The following C12orf54 variants were observed in gnomAD, a reference collection of about 807,000 sequenced individuals.
The protein encoded by C12orf54 is chromosome 12 open reading frame 54.
In C12orf54, 24 loss-of-function variants were observed where a neutral mutation model predicts 26.4. The observed-to-expected ratio is 0.91, with a 90% CI of 0.66 to 1.28. The LOEUF is 1.28. Ranked by LOEUF, C12orf54 falls within the 50% of genes most tolerant of loss-of-function variation. The pLI is 0.00. For synonymous variants in C12orf54, 54 were observed against 47.0 expected, an observed-to-expected ratio of 1.15 and a Z score of -0.61; for missense variants, 154 against 150.9, an observed-to-expected ratio of 1.02 and a Z score of -0.11.
At chr12:48,419,185 A>AGG in the C12orf54 span, among the ~76,000 whole-genome samples, 2 of 152,176 alleles carry the variant, frequency 1.3e-5, no homozygotes, top group East Asian at 3.9e-4. Context: ...ATTACCCTAA[A>AGG]GAAATGCAGG....
the C12orf54 span, among the ~76,000 whole-genome samples, chr12:48,468,055 T>C: frequency 2.0e-5 from 3 of 152,186 alleles, no homozygotes; most frequent in Admixed American, 1.3e-4. Context: ...TCAAATATAG[T>C]TCTTGGTAGT....
the C12orf54 span, among the ~76,000 whole-genome samples, chr12:48,476,312 C>A: frequency 1.3e-5 from 2 of 152,136 alleles, no homozygotes. Flanking sequence ...TAAAGACCAT[C>A]CAGGCTAGGA....
At chr12:48,461,155 AG>A in the C12orf54 span, among the ~76,000 whole-genome samples, 2 of 152,050 alleles carry the variant, frequency 1.3e-5, no homozygotes, top group Non-Finnish European at 2.9e-5. Flanking sequence ...TCAGGAGCAA[AG>A]AAAATTACCA....
rs1350663382 is a variant in C12orf54, at chr12:48,494,101, C to T, written c.243-697C>T. ...GGGCGTGGTGGCAGGTGCCTGTAAC[C>T]CCAGCTACTCGGGAGGCTGAGGCAG... On this transcript the variant is annotated intron_variant, in intron 7 of 8. Transcript: ENST00000548364. Among the ~76,000 whole-genome samples the T allele has an allele frequency of 1.5e-5, 2 of 135,268 alleles. 1 individual carries two copies. Among genetic ancestry groups the T allele is most frequent in the Non-Finnish European group, 3.2e-5 (2 of 63,386 alleles). 88.7% of individuals were successfully genotyped at this position (135,268 alleles called of 152,430 possible). A position where few individuals can be genotyped will look rare whatever the true frequency, so the allele number is the denominator to read the frequency against.
At chr12:48,424,100 A>G in the C12orf54 span, among the ~76,000 whole-genome samples, 1 of 152,094 alleles carries the variant, frequency 6.6e-6, no homozygotes, top group Non-Finnish European at 1.5e-5. Flanking sequence ...ATCTGTTTAG[A>G]TGATCATATG....
At chr12:48,419,284 C>T in the C12orf54 span, among the ~76,000 whole-genome samples, 1 of 152,136 alleles carries the variant, frequency 6.6e-6, no homozygotes, top group Non-Finnish European at 1.5e-5. Context: ...TCATAAAGCC[C>T]TAGTTCTGTT....
At chr12:48,488,263 A>G (rs1286314613) in intron 4 of C12orf54, 2 of 623,450 alleles carry the variant, frequency 3.2e-6, no homozygotes, top group African/African-American at 1.8e-5. Context: ...CCTCGGCCTA[A>G]AGGTCTGGAG....
chr12:48,436,698 T>G, the C12orf54 span, among the ~76,000 whole-genome samples: 2 of 152,174 alleles, frequency 1.3e-5, no homozygotes, highest in Non-Finnish European at 2.9e-5. Flanking sequence ...AGATGTTCTT[T>G]GAAACCAACT....
At chr12:48,454,443 A>C in the C12orf54 span, among the ~76,000 whole-genome samples, 4 of 152,106 alleles carry the variant, frequency 2.6e-5, no homozygotes, top group East Asian at 7.7e-4. Flanking sequence ...CAGGCTGCAT[A>C]GTCATTTTTA....
the C12orf54 span, among the ~76,000 whole-genome samples, chr12:48,444,894 C>T: frequency 6.6e-6 from 1 of 152,252 alleles, no homozygotes; most frequent in African/African-American, 2.4e-5. Flanking sequence ...AATGAATGGC[C>T]GGGCGCAGTG....
intron 3 of C12orf54, 125 bp downstream of exon 3, chr12:48,486,333 T>G: frequency 1.0e-6 from 1 of 983,438 alleles, no homozygotes; most frequent in Non-Finnish European, 1.6e-6. Flanking sequence ...AGGGTGCCCT[T>G]GACTGGCTGG....
the C12orf54 span, among the ~76,000 whole-genome samples, chr12:48,423,459 G>A: frequency 6.6e-6 from 1 of 152,044 alleles, no homozygotes; most frequent in African/African-American, 2.4e-5. Flanking sequence ...CAAACTACAG[G>A]AGTGTAAACC....
At chr12:48,491,527 G>T (rs1766906052) in intron 6 of C12orf54, among the ~76,000 whole-genome samples, 2 of 152,160 alleles carry the variant, frequency 1.3e-5, no homozygotes, top group Admixed American at 6.6e-5. Flanking sequence ...GTTGTTGAGG[G>T]CCTGAGAACA....
At chr12:48,462,892 C>T in the C12orf54 span, among the ~76,000 whole-genome samples, 1 of 151,714 alleles carries the variant, frequency 6.6e-6, no homozygotes, top group Admixed American at 6.6e-5. Flanking sequence ...TAGATTCTAA[C>T]CAGTACAATT....
At chr12:48,430,920 G>GGGTAAAGAAAC in the C12orf54 span, among the ~76,000 whole-genome samples, 1 of 150,252 alleles carries the variant, frequency 6.7e-6, no homozygotes. Context: ...ATCAACGAGT[G>GGGTAAAGAAAC]GGTAAAGAAA....
chr12:48,473,481 A>C, the C12orf54 span: 1 of 443,540 alleles, frequency 2.3e-6, no homozygotes, highest in Non-Finnish European at 4.2e-6. Flanking sequence ...CCCCTCCCCC[A>C]CTCCAATCCT....
chr12:48,426,537 T>G, the C12orf54 span, among the ~76,000 whole-genome samples: 1 of 152,178 alleles, frequency 6.6e-6, no homozygotes. Context: ...AGCTTTGTTC[T>G]TTTTGCTTAG....
At chr12:48,456,838 A>T in the C12orf54 span, among the ~76,000 whole-genome samples, 39 of 152,184 alleles carry the variant, frequency 2.6e-4, no homozygotes, top group Non-Finnish European at 5.0e-4. Flanking sequence ...CATTAAATGC[A>T]CACATCAATT....
At chr12:48,456,029 A>T in the C12orf54 span, among the ~76,000 whole-genome samples, 2 of 152,224 alleles carry the variant, frequency 1.3e-5, no homozygotes, top group Non-Finnish European at 2.9e-5. Context: ...TCTCACAAAA[A>T]GTATAAGAGC....
Sources: gnomAD v4.1 joint callset for allele counts (sites outside exome capture counted in the v4.1 genomes callset) on GRCh38, gnomAD v4.1.1 for gene constraint, MANE v1.5 for transcripts, NCBI Gene and HGNC (gene_info 2026-07-23, HGNC 2026-07-21) for gene names.